The following KLHL5 variants were observed in gnomAD, a reference collection of about 807,000 sequenced individuals.
KLHL5 encodes the protein kelch like family member 5.
KLHL5 carries 48 observed loss-of-function variants against 77.7 expected under a neutral mutation model. That is an observed-to-expected ratio of 0.62 (90% CI 0.49 to 0.79). The LOEUF (loss-of-function observed/expected upper bound fraction) is 0.79. Among genes scored for constraint, KLHL5 ranks in the 30% least tolerant of loss-of-function variants. The pLI, the probability that KLHL5 is intolerant of heterozygous loss-of-function variation, is 0.00. For synonymous variants in KLHL5, 260 were observed against 297.0 expected (o/e 0.88, Z 1.28); for missense variants, 723 against 859.7 (o/e 0.84, Z 1.99).
rs1721762574 is a variant in KLHL5, at chr4:39,103,350, A to G, written c.1364A>G (p.Asn455Ser). ...ATGTGGACTCCAGTAGCAAATATGA[A>G]TGGGAGGAGGCTACAGTTCGGTGTT... ...TNMWTPVANM[N>S]GRRLQFGVAV... The change falls in exon 7 of 11, where the codon AAT becomes AGT. Residue 455 changes from asparagine (N) to serine (S), a missense_variant. Around this residue, in one of 3 missense-constraint regions of KLHL5, gnomAD observed 288 missense variants for 400.3 expected, o/e 0.72. Coordinates refer to ENST00000504108, the MANE Select transcript of KLHL5 (RefSeq NM_015990.5). 6.2e-7 allele frequency: 1 copy of G among 1,614,118 alleles called. No homozygotes were observed. Among genetic ancestry groups the G allele is most frequent in the Non-Finnish European group, 8.5e-7 (1 of 1,180,010 alleles).
At chr4:39,127,263 G>A (rs1723592452), downstream of KLHL5, among the ~76,000 whole-genome samples, 1 of 151,836 alleles carries the variant, frequency 6.6e-6, no homozygotes, top group Admixed American at 6.6e-5. Context: ...GGAGGTTGCA[G>A]TGAGCTGACA....
At position 39,123,423 on chromosome 4, in the gene KLHL5, C is replaced by A. The variant is rs1005330247; in HGVS notation, c.*2357C>A. Among the ~76,000 whole-genome samples, 1 of 152,180 alleles carries A rather than the reference C, an allele frequency of 6.6e-6. No homozygotes were observed. Among genetic ancestry groups the A allele is most frequent in the Non-Finnish European group, 1.5e-5 (1 of 68,038 alleles). On this transcript the variant is annotated 3_prime_UTR_variant, in exon 11 of 11. Transcript: ENST00000504108. ...AAAGACCTCACAGGGAAGCTACAGA[C>A]CAATATCCCTTATGAATATAGATGC...
the KLHL5 span, among the ~76,000 whole-genome samples, chr4:39,137,983 T>A: frequency 6.6e-6 from 1 of 152,046 alleles, no homozygotes; most frequent in Admixed American, 6.6e-5. Context: ...TCACTGATCA[T>A]TACAGAAAAG....
intron 1 of KLHL5, among the ~76,000 whole-genome samples, chr4:39,063,400 AT>A (rs754175431): frequency 6.6e-6 from 1 of 152,164 alleles, no homozygotes; most frequent in Non-Finnish European, 1.5e-5. Flanking sequence ...ATAGTATGAA[AT>A]TTTATGTGAC....
chr4:39,098,871 A>G (rs1336781995), intron 6 of KLHL5, among the ~76,000 whole-genome samples: 1 of 151,874 alleles, frequency 6.6e-6, no homozygotes. Flanking sequence ...GCCACAACTT[A>G]CTCTTAAAAC....
chr4:39,059,984 A>G (rs756524449), upstream of KLHL5, among the ~76,000 whole-genome samples: 17 of 152,186 alleles, frequency 1.1e-4, no homozygotes, highest in Non-Finnish European at 2.2e-4. Context: ...AAGCCTCACA[A>G]GGATGTTTCT....
At chr4:39,045,054 C>T (rs894940392) in exon 1 of KLHL5, 55 of 994,076 alleles carry the variant, frequency 5.5e-5, no homozygotes, top group Admixed American at 6.2e-5. Flanking sequence ...GCCTGGCCGC[C>T]CCGGCCCGCC....
intron 1 of KLHL5, among the ~76,000 whole-genome samples, chr4:39,046,788 G>C (rs1425857617): frequency 6.6e-6 from 1 of 152,128 alleles, no homozygotes. Flanking sequence ...AATTTTGCAC[G>C]ACAGTGTTTT....
intron 6 of KLHL5, among the ~76,000 whole-genome samples, chr4:39,102,581 C>T (rs1298860487): frequency 6.6e-6 from 1 of 151,994 alleles, no homozygotes; most frequent in Admixed American, 6.6e-5. Flanking sequence ...TGCCTCCCCA[C>T]GAACCATAAT....
intron 1 of KLHL5, 137 bp downstream of exon 1, chr4:39,063,172 A>T: frequency 1.7e-6 from 1 of 590,684 alleles, no homozygotes; most frequent in Non-Finnish European, 2.7e-6. Context: ...CTTGGTATGA[A>T]CATGTGATAC....
chr4:39,129,226 A>G (rs1723705523), downstream of KLHL5, among the ~76,000 whole-genome samples: 1 of 143,256 alleles, frequency 7.0e-6, no homozygotes, highest in African/African-American at 2.6e-5. This position sits in a 1 kb window ranked among gnomAD's most constrained non-coding sequence, Gnocchi z 4.2. Context: ...TCTGTTGCCC[A>G]GGCTGGAGTG....
the KLHL5 span, among the ~76,000 whole-genome samples, chr4:39,140,844 A>G: frequency 1.8e-4 from 27 of 152,348 alleles, no homozygotes; most frequent in Admixed American, 1.8e-3. Flanking sequence ...TTGCAAATGA[A>G]GCAGATAAAA....
At chr4:39,046,860 CA>C (rs1199991449) in intron 1 of KLHL5, among the ~76,000 whole-genome samples, 1 of 152,102 alleles carries the variant, frequency 6.6e-6, no homozygotes, top group Admixed American at 6.5e-5. Context: ...TCACTTGATC[CA>C]TTTATAACAT....
intron 2 of KLHL5, among the ~76,000 whole-genome samples, chr4:39,078,112 G>A (rs1719252996): frequency 1.3e-5 from 2 of 152,154 alleles, no homozygotes; most frequent in Non-Finnish European, 2.9e-5. Context: ...AATGAGGCCA[G>A]GCGCGATGGC....
chr4:39,136,005 CGTGTGTGTGTGTGTGTGTGT>C, the KLHL5 span, among the ~76,000 whole-genome samples: 1 of 145,922 alleles, frequency 6.9e-6, no homozygotes, highest in African/African-American at 2.6e-5. Context: ...CATTCTAACA[CGTGTGTGTGTGTGTGTGTGT>C]GTGTGTGTGT....
chr4:39,088,613 A>T (rs1720255636), intron 5 of KLHL5, among the ~76,000 whole-genome samples: 1 of 152,106 alleles, frequency 6.6e-6, no homozygotes, highest in South Asian at 2.1e-4. Context: ...GAAATAGATT[A>T]AAAAAATAAA....
At chr4:39,094,879 T>C (rs2109458500) in intron 5 of KLHL5, among the ~76,000 whole-genome samples, 1 of 152,154 alleles carries the variant, frequency 6.6e-6, no homozygotes, top group Admixed American at 6.5e-5. Flanking sequence ...CATGGATCAA[T>C]GGCCTAAATG....
the KLHL5 span, among the ~76,000 whole-genome samples, chr4:39,137,705 G>A: frequency 4.6e-5 from 7 of 152,136 alleles, no homozygotes; most frequent in Non-Finnish European, 8.8e-5. Flanking sequence ...AAGGTGAACC[G>A]GGAACATCTT....
chr4:39,138,160 T>A, the KLHL5 span, among the ~76,000 whole-genome samples: 1 of 152,066 alleles, frequency 6.6e-6, no homozygotes, highest in African/African-American at 2.4e-5. Flanking sequence ...GGTGGGAGTG[T>A]AAATTAGTTC....
Sources: allele counts gnomAD v4.1 joint callset (sites outside exome capture counted in the v4.1 genomes callset), GRCh38; gene constraint gnomAD v4.1.1; regional missense constraint gnomAD v4.1.1; non-coding constraint Gnocchi (gnomAD v3.1); transcripts MANE v1.5; gene names NCBI Gene and HGNC (gene_info 2026-07-23, HGNC 2026-07-21).